Variants in CDC42SE2 observed in about 807,000 individuals in gnomAD.
The protein encoded by CDC42SE2 is CDC42 small effector 2.
CDC42SE2 carries 3 observed loss-of-function variants against 11.5 expected under a neutral mutation model. The observed-to-expected ratio is 0.26, with a 90% confidence interval of 0.12 to 0.67. The LOEUF (loss-of-function observed/expected upper bound fraction) is 0.67. CDC42SE2 is among the 30% of genes least tolerant of loss of function. The pLI, the probability that CDC42SE2 is intolerant of heterozygous loss-of-function variation, is 0.80. For synonymous variants in CDC42SE2, 33 were observed against 34.8 expected (o/e 0.95, Z 0.18); for missense variants, 82 against 106.8 (o/e 0.77, Z 1.02).
intron 1 of CDC42SE2, among the ~76,000 whole-genome samples, chr5:131,285,692 T>G (rs1757325620): frequency 1.3e-5 from 2 of 152,214 alleles, no homozygotes; most frequent in African/African-American, 4.8e-5. Context: ...ACTTACAAAA[T>G]CATTGCATGG....
chr5:131,226,649 G>A, the CDC42SE2 span, among the ~76,000 whole-genome samples: 1 of 152,202 alleles, frequency 6.6e-6, no homozygotes, highest in African/African-American at 2.4e-5. Context: ...ACCAGCCAGA[G>A]TAGGGGCTTA....
rs796934614 is a variant in CDC42SE2 at position 131,252,108 on chromosome 5, G to GGAAT, written n.108-2986_108-2983dup. 4.3e-3 allele frequency among the ~76,000 whole-genome samples: 643 copies of GGAAT among 150,176 alleles called. 9 individuals carry two copies. The highest frequency in any genetic ancestry group is 0.025 in the South Asian group (122 of 4,788). On this transcript the variant is annotated intron_variant and non_coding_transcript_variant, in intron 1 of 3. Transcript: ENST00000502840. ...AGGAAGGAAGGAAGGAAGGAAGGAA[G>GGAAT]GAATCATGTAGGTACTATAATTTCA...
upstream of CDC42SE2, among the ~76,000 whole-genome samples, chr5:131,245,208 C>T (rs959808367): frequency 6.6e-6 from 1 of 152,202 alleles, no homozygotes; most frequent in South Asian, 2.1e-4. Context: ...CCAGCTCTTA[C>T]AAGTGGTTAT....
At chr5:131,217,569 A>G in the CDC42SE2 span, among the ~76,000 whole-genome samples, 1 of 152,232 alleles carries the variant, frequency 6.6e-6, no homozygotes, top group South Asian at 2.1e-4. Context: ...ACAAAAATCC[A>G]TTTTGAATGG....
chr5:131,214,038 G>A, the CDC42SE2 span, among the ~76,000 whole-genome samples: 2 of 152,134 alleles, frequency 1.3e-5, no homozygotes, highest in Non-Finnish European at 2.9e-5. Flanking sequence ...CAAGGAAGTA[G>A]GCAATTGCAA....
intron 2 of CDC42SE2, among the ~76,000 whole-genome samples, chr5:131,347,909 CAATA>C (rs1238718135): frequency 6.6e-6 from 1 of 152,138 alleles, no homozygotes; most frequent in Non-Finnish European, 1.5e-5. Flanking sequence ...ATGATTATCT[CAATA>C]GATGCAGAAA....
At chr5:131,348,717 C>T (rs1758919820) in intron 2 of CDC42SE2, among the ~76,000 whole-genome samples, 1 of 152,106 alleles carries the variant, frequency 6.6e-6, no homozygotes, top group South Asian at 2.1e-4. Flanking sequence ...AAGGTGGAGG[C>T]ATCACACTAT....
intron 3 of CDC42SE2, 151 bp from the exon 4 acceptor site, chr5:131,385,392 G>A: frequency 5.6e-6 from 3 of 534,586 alleles, no homozygotes; most frequent in Non-Finnish European, 1.0e-5. Context: ...TTTGTCTTGG[G>A]GATTTCATCA....
At chr5:131,320,610 C>T (rs932146947) in intron 2 of CDC42SE2, among the ~76,000 whole-genome samples, 4 of 150,858 alleles carry the variant, frequency 2.7e-5, no homozygotes, top group Non-Finnish European at 4.4e-5. Flanking sequence ...GGCATGGTGG[C>T]GCATGCTTGT....
the CDC42SE2 span, among the ~76,000 whole-genome samples, chr5:131,221,211 G>A: frequency 6.6e-6 from 1 of 151,922 alleles, no homozygotes; most frequent in Non-Finnish European, 1.5e-5. Context: ...CCAACCCGCA[G>A]CCCACGGCCA....
At chr5:131,250,153 A>G (rs6879683) in intron 1 of CDC42SE2, among the ~76,000 whole-genome samples, 5,590 of 152,322 alleles carry the variant, frequency 0.037, 252 homozygotes, top group African/African-American at 0.11. Flanking sequence ...TTGCACATAT[A>G]CAACAGGCAC....
At chr5:131,237,752 C>T in the CDC42SE2 span, among the ~76,000 whole-genome samples, 618 of 152,118 alleles carry the variant, frequency 4.1e-3, 6 homozygotes, top group African/African-American at 0.014. Context: ...CATGGCCCAG[C>T]TAATATTTTT....
chr5:131,392,434 A>C lies in CDC42SE2; in HGVS notation c.*1343A>C, dbSNP rs1295439971. ...CATGGGCTGATGATGCTGCTATTAG[A>C]TAAAGTTTAGCTGTGGCACCAAGTC... On this transcript the variant is annotated 3_prime_UTR_variant, in exon 5 of 5. Transcript: ENST00000505065. 2.0e-5 allele frequency: 3 copies of C among 152,716 alleles called. No homozygotes were observed. Among genetic ancestry groups the C allele is most frequent in the African/African-American group, 4.8e-5 (2 of 41,448 alleles). The allele number at this position is 152,716 out of a possible 1,614,324, so 9.5% of individuals were successfully genotyped here.
rs745556860 is a variant in CDC42SE2 at position 131,330,472 on chromosome 5, G to A, written c.-286+14328G>A. On this transcript the variant is annotated intron_variant, in intron 2 of 4. Transcript: ENST00000505065. ...AATCTTTTCCTTATCCCTCCCATCT[G>A]AAGGGGATTCCCTGTAGTAGAGGGA... is the stretch of plus-strand genomic sequence containing the variant. Among the ~76,000 whole-genome samples, 31 of 152,234 alleles carry A rather than the reference G, an allele frequency of 2.0e-4. 1 individual carries two copies. In the South Asian group the frequency reaches 2.3e-3, roughly 11 times the overall value.
At chr5:131,300,496 T>C (rs779576547) in intron 1 of CDC42SE2, among the ~76,000 whole-genome samples, 11 of 152,080 alleles carry the variant, frequency 7.2e-5, no homozygotes, top group Non-Finnish European at 1.3e-4. Context: ...TTAATAATTA[T>C]GTTGTAGGCC....
rs59237145 is a variant in CDC42SE2, at chr5:131,335,875, A to G, written c.-286+19731A>G. On this transcript the variant is annotated intron_variant, in intron 2 of 4. Coordinates refer to ENST00000505065, the MANE Select transcript of CDC42SE2 (RefSeq NM_001375635.1). ...GCCTGTGTGTTTCTCTGCACATGAG[A>G]TGGGTCTCCTGAATACAGCACACTG... Among the ~76,000 whole-genome samples, 1,473 of 152,202 alleles carry G rather than the reference A, an allele frequency of 9.7e-3. 20 individuals are homozygous for G. Among genetic ancestry groups the G allele is most frequent in the African/African-American group, 0.034 (1,391 of 41,492 alleles).
chr5:131,359,461 T>C lies in CDC42SE2; in HGVS notation c.-33T>C, dbSNP rs758573670. 6.3e-6 allele frequency: 10 copies of C among 1,585,080 alleles called. No individual in the cohort carries two copies. The East Asian group carries it at 2.2e-4, about 35-fold the overall frequency. On this transcript the variant is annotated 5_prime_UTR_variant, in exon 3 of 5. Transcript: ENST00000505065. ...ACTTCCCGAGTTGAGATTTGGAACC[T>C]TCATTGGTGCTCATTTACTGTGGAC...
intron 2 of CDC42SE2, among the ~76,000 whole-genome samples, chr5:131,351,291 G>A (rs778522466): frequency 2.6e-5 from 4 of 151,828 alleles, no homozygotes; most frequent in Non-Finnish European, 2.9e-5. Context: ...GTCTCGCTCT[G>A]TTGCCCAGGC....
chr5:131,294,413 A>G (rs375169863), intron 1 of CDC42SE2, among the ~76,000 whole-genome samples: 8 of 152,330 alleles, frequency 5.3e-5, no homozygotes, highest in African/African-American at 7.2e-5. Context: ...AAACCATTCA[A>G]TTATTGAATA....
Sources: allele counts gnomAD v4.1 joint callset (sites outside exome capture counted in the v4.1 genomes callset), GRCh38; gene constraint gnomAD v4.1.1; transcripts MANE v1.5; gene names NCBI Gene and HGNC (gene_info 2026-07-23, HGNC 2026-07-21).